Variants in TAS2R1 observed in about 807,000 individuals in gnomAD.
TAS2R1 encodes taste 2 receptor member 1.
For missense variants in TAS2R1, 370 were observed against 353.4 expected, an observed-to-expected ratio of 1.05 and a Z score of -0.38; for synonymous variants, 141 against 134.2, an observed-to-expected ratio of 1.05 and a Z score of -0.35.
the TAS2R1 span, among the ~76,000 whole-genome samples, chr5:9,799,959 G>T: frequency 8.5e-4 from 130 of 152,302 alleles, no homozygotes; most frequent in Non-Finnish European, 1.5e-3. Flanking sequence ...AATATATGTT[G>T]CTCTATAGGA....
At chr5:9,847,894 G>A in the TAS2R1 span, among the ~76,000 whole-genome samples, 17 of 152,288 alleles carry the variant, frequency 1.1e-4, no homozygotes, top group African/African-American at 4.1e-4. Flanking sequence ...TTCTCAAAGT[G>A]TGGTCCCCGG....
the TAS2R1 span, among the ~76,000 whole-genome samples, chr5:9,817,988 A>G: frequency 1.4e-5 from 2 of 144,666 alleles, no homozygotes; most frequent in African/African-American, 2.6e-5. Flanking sequence ...CCATGATCCA[A>G]TCACCTCCCA....
At chr5:9,895,934 A>AT in the TAS2R1 span, among the ~76,000 whole-genome samples, 2 of 152,230 alleles carry the variant, frequency 1.3e-5, no homozygotes, top group Admixed American at 1.3e-4. Flanking sequence ...CTGTACTGTG[A>AT]TTATTAGCAC....
chr5:9,658,686 T>G (rs961168376), intron 2 of TAS2R1: 8 of 152,196 alleles, frequency 5.3e-5, no homozygotes, highest in African/African-American at 1.4e-4. Flanking sequence ...CCAAATGACT[T>G]GCTATTGATA....
chr5:9,713,143 C>T (rs1734730251), upstream of TAS2R1: 1 of 152,110 alleles, frequency 6.6e-6, no homozygotes, highest in African/African-American at 2.4e-5. Context: ...GTGCAGATCC[C>T]TCTCAACCCA....
chr5:9,842,467 C>G, the TAS2R1 span, among the ~76,000 whole-genome samples: 39,581 of 151,630 alleles, frequency 0.26, 6,458 homozygotes, highest in Non-Finnish European at 0.37. Flanking sequence ...ACTACAAGTG[C>G]CCACCACCAC....
At chr5:9,814,570 A>G in the TAS2R1 span, among the ~76,000 whole-genome samples, 1 of 152,334 alleles carries the variant, frequency 6.6e-6, no homozygotes, top group South Asian at 2.1e-4. Flanking sequence ...TTTGTCTACA[A>G]ATGCAAGCTG....
At chr5:9,759,318 G>A in the TAS2R1 span, among the ~76,000 whole-genome samples, 1 of 152,116 alleles carries the variant, frequency 6.6e-6, no homozygotes, top group South Asian at 2.1e-4. Flanking sequence ...TGGAAATCCA[G>A]CATCTCATTC....
At chr5:9,802,543 T>C in the TAS2R1 span, among the ~76,000 whole-genome samples, 9 of 152,142 alleles carry the variant, frequency 5.9e-5, no homozygotes, top group Non-Finnish European at 1.5e-5. Context: ...CAAAAGATCA[T>C]AGGTCCAAAG....
the TAS2R1 span, among the ~76,000 whole-genome samples, chr5:9,838,237 T>C: frequency 2.6e-5 from 4 of 152,160 alleles, no homozygotes; most frequent in African/African-American, 9.7e-5. Context: ...CAGGAATCTT[T>C]TGGTGCTCTG....
rs56140715 is a variant in TAS2R1, at chr5:9,640,497, T to TAAAAAAAAAA, written c.-80-10515_-80-10506dup. On this transcript the variant is annotated intron_variant, in intron 2 of 2. Transcript: ENST00000506620. ...GAATTGCCACAAACCTTCAATTCCT[T>TAAAAAAAAAA]AAAAAAAAAAAAAAAAAAAAAAAAA... is the stretch of plus-strand genomic sequence containing the variant. Among the ~76,000 whole-genome samples, 47 of 59,022 alleles carry TAAAAAAAAAA rather than the reference T, an allele frequency of 8.0e-4. 2 individuals carry two copies. Among genetic ancestry groups the TAAAAAAAAAA allele is most frequent in the African/African-American group, 3.1e-3 (37 of 12,094 alleles). The allele number at this position is 59,022 out of a possible 152,430, so 38.7% of individuals were successfully genotyped here.
chr5:9,840,857 A>ATTTTTTTTTTTTT, the TAS2R1 span, among the ~76,000 whole-genome samples: 9 of 132,080 alleles, frequency 6.8e-5, no homozygotes, highest in African/African-American at 2.5e-4. Flanking sequence ...TTATTTATTT[A>ATTTTTTTTTTTTT]TTTTTTTTTT....
the TAS2R1 span, among the ~76,000 whole-genome samples, chr5:9,877,784 T>C: frequency 1.3e-5 from 2 of 152,242 alleles, no homozygotes; most frequent in Non-Finnish European, 2.9e-5. Flanking sequence ...GAACTCAACA[T>C]GGATTTCCCA....
intron 1 of TAS2R1, among the ~76,000 whole-genome samples, chr5:9,678,313 A>G (rs945652435): frequency 1.3e-5 from 2 of 152,192 alleles, no homozygotes; most frequent in African/African-American, 4.8e-5. Context: ...AGAAAAGGGA[A>G]TCCTTTTATA....
chr5:9,864,863 G>A, the TAS2R1 span, among the ~76,000 whole-genome samples: 4 of 152,100 alleles, frequency 2.6e-5, no homozygotes, highest in African/African-American at 9.7e-5. Context: ...AGACCCTCTG[G>A]AAAGGGAGAC....
chr5:9,750,280 A>G, the TAS2R1 span, among the ~76,000 whole-genome samples: 1 of 152,016 alleles, frequency 6.6e-6, no homozygotes, highest in Non-Finnish European at 1.5e-5. Context: ...TGCCTTTTCA[A>G]GCTTAGGTGC....
chr5:9,817,265 G>C, the TAS2R1 span, among the ~76,000 whole-genome samples: 5 of 152,328 alleles, frequency 3.3e-5, no homozygotes, highest in South Asian at 1.0e-3. Context: ...TTGTGTCATA[G>C]AGATGGGAAT....
the TAS2R1 span, among the ~76,000 whole-genome samples, chr5:9,757,843 A>G: frequency 6.6e-6 from 1 of 152,132 alleles, no homozygotes; most frequent in Admixed American, 6.5e-5. Context: ...AATCTTTAAA[A>G]CTCTGTAGGA....
upstream of TAS2R1, among the ~76,000 whole-genome samples, chr5:9,715,074 T>C (rs909741054): frequency 3.3e-5 from 5 of 152,150 alleles, no homozygotes; most frequent in Admixed American, 6.5e-5. Context: ...TCCAGGAAGA[T>C]ATGTCAAAAG....
Sources: allele counts gnomAD v4.1 joint callset (sites outside exome capture counted in the v4.1 genomes callset), GRCh38; gene constraint gnomAD v4.1.1; transcripts MANE v1.5; gene names NCBI Gene and HGNC (gene_info 2026-07-23, HGNC 2026-07-21).